TC2N: variants seen among roughly 807,000 people sequenced by gnomAD.
The protein encoded by TC2N is tandem C2 domains nuclear protein.
Under a neutral mutation model 61.9 loss-of-function variants are expected in TC2N, and 51 were observed. The observed-to-expected ratio is 0.82, with a 90% CI of 0.66 to 1.04. The LOEUF (loss-of-function observed/expected upper bound fraction) is 1.04, where lower values mean the gene tolerates loss of function less well. Among genes scored for constraint, TC2N ranks in the 50% least tolerant of loss-of-function variants. The pLI, the probability that TC2N is intolerant of heterozygous loss-of-function variation, is 0.00. For missense variants in TC2N, 556 were observed against 566.7 expected, an observed-to-expected ratio of 0.98 and a Z score of 0.19; for synonymous variants, 204 against 192.6, an observed-to-expected ratio of 1.06 and a Z score of -0.49.
chr14:91,854,990 C>A (rs1470854690), intron 1 of TC2N, among the ~76,000 whole-genome samples: 1 of 152,130 alleles, frequency 6.6e-6, no homozygotes, highest in Non-Finnish European at 1.5e-5. Flanking sequence ...GGGTTCTGAC[C>A]TGAACAATGG....
At chr14:91,801,896 A>G (rs932116886) in intron 4 of TC2N, among the ~76,000 whole-genome samples, 1 of 152,206 alleles carries the variant, frequency 6.6e-6, no homozygotes, top group Non-Finnish European at 1.5e-5. Flanking sequence ...TTTGAATGAT[A>G]ACAAAAAGTG....
chr14:91,862,820 G>A (rs564826020), intron 1 of TC2N, among the ~76,000 whole-genome samples: 6 of 152,222 alleles, frequency 3.9e-5, no homozygotes, highest in South Asian at 2.1e-4. Flanking sequence ...ATGATGTCCC[G>A]GATTCTTTTC....
At chr14:91,841,804 C>G (rs1003802173) in intron 1 of TC2N, among the ~76,000 whole-genome samples, 1 of 152,180 alleles carries the variant, frequency 6.6e-6, no homozygotes, top group Non-Finnish European at 1.5e-5. Context: ...ATTCCACTTT[C>G]AGACCTTTAC....
Position 91,789,197 on chromosome 14 carries a change from A to T in TC2N, c.1048-1570T>A, listed in dbSNP as rs117680623. On this transcript the variant is annotated intron_variant, in intron 9 of 11. Coordinates refer to ENST00000435962, the MANE Select transcript of TC2N (RefSeq NM_001128596.3). ...TGTAGAGTTCACTCTCATAAAACAG[A>T]GCAGCATTTGGCAATAGGCTTACCA... is the stretch of plus-strand genomic sequence containing the variant. Among the ~76,000 whole-genome samples, 797 of 152,330 alleles carry T rather than the reference A, an allele frequency of 5.2e-3. 28 individuals are homozygous for T. In the South Asian group the frequency reaches 0.08, roughly 15 times the overall value.
At chr14:91,793,757 G>A (rs1162190601) in intron 8 of TC2N, among the ~76,000 whole-genome samples, 1 of 152,026 alleles carries the variant, frequency 6.6e-6, no homozygotes, top group Non-Finnish European at 1.5e-5. Flanking sequence ...AGGCCTCCCT[G>A]TTTCCTAAGA....
intron 4 of TC2N, among the ~76,000 whole-genome samples, chr14:91,801,059 C>CACACATATGT (rs1163148493): frequency 1.1e-4 from 16 of 147,614 alleles, no homozygotes; most frequent in African/African-American, 2.6e-4. Flanking sequence ...CATATATACA[C>CACACATATGT]ATACATATAT....
intron 4 of TC2N, among the ~76,000 whole-genome samples, chr14:91,801,283 TGTATTTA>T (rs1370384454): frequency 2.0e-5 from 3 of 152,148 alleles, no homozygotes; most frequent in Non-Finnish European, 4.4e-5. Flanking sequence ...AAAATATTAC[TGTATTTA>T]GTACAACATA....
At position 91,867,386 on chromosome 14, in the gene TC2N, C is replaced by G. The variant is rs1888724963; in HGVS notation, c.-181G>C. 6.6e-6 allele frequency: 1 copy of G among 152,234 alleles called. No homozygotes were observed. Among genetic ancestry groups the G allele is most frequent in the Non-Finnish European group, 1.5e-5 (1 of 68,092 alleles). 9.4% of individuals were successfully genotyped at this position (152,234 alleles called of 1,614,324 possible). Reference sequence around the variant, plus strand: ...CCTGAGTCTCCCTACACAGCAGGGACCCAGGCTCACTGCTGCCTTCTGGCC... The same window carrying G: ...CCTGAGTCTCCCTACACAGCAGGGAGCCAGGCTCACTGCTGCCTTCTGGCC... On this transcript the variant is annotated 5_prime_UTR_variant, in exon 1 of 12. Transcript: ENST00000435962.
intron 1 of TC2N, among the ~76,000 whole-genome samples, chr14:91,844,392 A>T (rs1248047955): frequency 6.6e-6 from 1 of 152,196 alleles, no homozygotes; most frequent in Non-Finnish European, 1.5e-5. Flanking sequence ...AAACAAACGC[A>T]CATGCCCACA....
At chr14:91,819,523 T>G (rs1018662021) in intron 1 of TC2N, among the ~76,000 whole-genome samples, 1 of 152,090 alleles carries the variant, frequency 6.6e-6, no homozygotes, top group African/African-American at 2.4e-5. Context: ...TGAAAGAACA[T>G]ATTACCAACA....
At chr14:91,838,670 C>T (rs1272887582) in intron 1 of TC2N, among the ~76,000 whole-genome samples, 4 of 152,224 alleles carry the variant, frequency 2.6e-5, no homozygotes, top group Non-Finnish European at 4.4e-5. Context: ...AAATGAACAA[C>T]TTTAACAAAC....
At chr14:91,852,539 A>C (rs1218587679) in intron 1 of TC2N, among the ~76,000 whole-genome samples, 3 of 152,204 alleles carry the variant, frequency 2.0e-5, no homozygotes, top group African/African-American at 7.2e-5. Context: ...GAGTATCAAG[A>C]ATTTTTGAAT....
In TC2N at chr14:91,782,946, T is replaced by A; in HGVS notation, c.*154A>T. Reference sequence around the variant, plus strand: ...TCTGATAAAATTCATTACATTTTCTTATCAAATTTTCTATCAGATACATTA... The same window carrying A: ...TCTGATAAAATTCATTACATTTTCTAATCAAATTTTCTATCAGATACATTA... On this transcript the variant is annotated 3_prime_UTR_variant, in exon 12 of 12. Transcript: ENST00000435962. 1 of 499,706 alleles carries A rather than the reference T, an allele frequency of 2.0e-6. No homozygotes were observed. The highest frequency in any genetic ancestry group is 3.5e-6 in the Non-Finnish European group (1 of 283,072). 31.0% of individuals were successfully genotyped at this position (499,706 alleles called of 1,614,324 possible).
chr14:91,800,423 T>C, intron 4 of TC2N, 51 bp from the exon 5 acceptor site: 1 of 997,924 alleles, frequency 1.0e-6, no homozygotes, highest in Non-Finnish European at 1.5e-6. Context: ...ACTGGAATTC[T>C]ACTTAATTAC....
chr14:91,810,529 T>C (rs1242825672), intron 3 of TC2N, among the ~76,000 whole-genome samples: 1 of 151,980 alleles, frequency 6.6e-6, no homozygotes, highest in African/African-American at 2.4e-5. Context: ...AATTACTCCA[T>C]ATACAAAGAA....
At chr14:91,797,957 T>C (rs1885993591) in intron 7 of TC2N, 56 bp from the exon 8 acceptor site, 3 of 1,125,864 alleles carry the variant, frequency 2.7e-6, no homozygotes, top group Non-Finnish European at 3.9e-6. Context: ...AATACAAACA[T>C]TTGATGTATT....
At position 91,785,143 on chromosome 14, in the gene TC2N, G is replaced by A; in HGVS notation, c.1362+19C>T. 1 of 1,570,278 alleles carries A rather than the reference G, an allele frequency of 6.4e-7. No homozygotes were observed. Among genetic ancestry groups the A allele is most frequent in the Non-Finnish European group, 8.7e-7 (1 of 1,144,334 alleles). ...AAATGCATAGAAAAATATAAGGAAG[G>A]ATAAAAACTCCTACTAACCTGGCCC... On this transcript the variant is annotated intron_variant, in intron 11 of 11. Coordinates refer to ENST00000435962, the MANE Select transcript of TC2N (RefSeq NM_001128596.3).
chr14:91,825,400 C>G (rs1462419094), intron 1 of TC2N, among the ~76,000 whole-genome samples: 1 of 152,026 alleles, frequency 6.6e-6, no homozygotes, highest in Non-Finnish European at 1.5e-5. Flanking sequence ...GTTATGATAC[C>G]CCAAATTACA....
intron 1 of TC2N, among the ~76,000 whole-genome samples, chr14:91,843,168 C>G (rs1888196697): frequency 1.3e-5 from 2 of 152,078 alleles, no homozygotes; most frequent in South Asian, 4.2e-4. Context: ...CCAGGTAAAC[C>G]CAGCTGAGAA....
Sources: allele counts gnomAD v4.1 joint callset (sites outside exome capture counted in the v4.1 genomes callset), GRCh38; gene constraint gnomAD v4.1.1; transcripts MANE v1.5; gene names NCBI Gene and HGNC (gene_info 2026-07-23, HGNC 2026-07-21).